Variants in PTPRM observed in about 807,000 individuals in gnomAD.
PTPRM encodes protein tyrosine phosphatase receptor type M.
Under a neutral mutation model 186.7 loss-of-function variants are expected in PTPRM, and 47 were observed. The ratio of observed to expected loss-of-function variants is 0.25; its 90% confidence interval spans 0.20 to 0.32. PTPRM has a LOEUF of 0.32. Ranked by LOEUF, PTPRM falls within the 10% of genes least tolerant of loss-of-function variation. The pLI is 1.00. For missense variants in PTPRM, 1,494 were observed against 1,865.0 expected (o/e 0.80, Z 3.66); for synonymous variants, 668 against 674.9 (o/e 0.99, Z 0.16).
intron 14 of PTPRM, among the ~76,000 whole-genome samples, chr18:8,223,286 A>G (rs925507486): frequency 3.3e-5 from 5 of 152,172 alleles, no homozygotes; most frequent in African/African-American, 1.2e-4. Context: ...ACTGAAATGC[A>G]TAGCCATGTG....
chr18:7,827,025 C>T (rs1434024863), intron 2 of PTPRM, among the ~76,000 whole-genome samples: 1 of 152,110 alleles, frequency 6.6e-6, no homozygotes, highest in Non-Finnish European at 1.5e-5. Context: ...TTGCTTGGGT[C>T]CAGGAGGTCG....
intron 7 of PTPRM, among the ~76,000 whole-genome samples, chr18:8,058,908 T>C (rs1335235190): frequency 2.5e-5 from 2 of 79,332 alleles, no homozygotes; most frequent in Non-Finnish European, 5.3e-5. Flanking sequence ...AGCTTTGTTC[T>C]TTTGGCTTAG....
intron 7 of PTPRM, among the ~76,000 whole-genome samples, chr18:8,004,856 T>C (rs1328849807): frequency 6.6e-6 from 1 of 152,044 alleles, no homozygotes; most frequent in Non-Finnish European, 1.5e-5. Context: ...TACTGAAAAT[T>C]TGATTTCTTT....
intron 11 of PTPRM, among the ~76,000 whole-genome samples, chr18:8,110,763 A>G (rs973997435): frequency 6.6e-6 from 1 of 152,198 alleles, no homozygotes; most frequent in East Asian, 1.9e-4. Context: ...TCATTGAGGA[A>G]TGATTCAGAT....
chr18:7,846,479 C>T (rs2046601798), intron 2 of PTPRM, among the ~76,000 whole-genome samples: 1 of 152,172 alleles, frequency 6.6e-6, no homozygotes, highest in Non-Finnish European at 1.5e-5. Flanking sequence ...GTTGCTGTGG[C>T]AACTGGTGTC....
intron 2 of PTPRM, among the ~76,000 whole-genome samples, chr18:7,887,717 T>G (rs1426685828): frequency 6.6e-6 from 1 of 152,232 alleles, no homozygotes; most frequent in Non-Finnish European, 1.5e-5. Flanking sequence ...ACGTGGCTAT[T>G]GAGCACTTGA....
chr18:8,206,709 A>G (rs966161007), intron 14 of PTPRM, among the ~76,000 whole-genome samples: 3 of 152,240 alleles, frequency 2.0e-5, no homozygotes, highest in African/African-American at 7.2e-5. Flanking sequence ...AACTTCATTA[A>G]TAAGCAACAA....
intron 1 of PTPRM, among the ~76,000 whole-genome samples, chr18:7,710,449 G>T (rs2040188403): frequency 6.6e-6 from 1 of 152,074 alleles, no homozygotes; most frequent in Non-Finnish European, 1.5e-5. Flanking sequence ...ATATTGAATG[G>T]GGGAAAAGTT....
chr18:7,910,243 A>T (rs2050191947), intron 4 of PTPRM, among the ~76,000 whole-genome samples: 1 of 152,206 alleles, frequency 6.6e-6, no homozygotes, highest in Non-Finnish European at 1.5e-5. Flanking sequence ...AATATCTTCA[A>T]CATCCCCCAA....
chr18:8,104,836 A>G (rs2091447109), intron 11 of PTPRM, among the ~76,000 whole-genome samples: 2 of 152,226 alleles, frequency 1.3e-5, no homozygotes, highest in Admixed American at 1.3e-4. Flanking sequence ...AATCAAATTA[A>G]TCAGTGTTTT....
Position 8,345,568 on chromosome 18 carries a change from G to A in PTPRM, c.3054+2048G>A, listed in dbSNP as rs181724719. 7.2e-5 allele frequency among the ~76,000 whole-genome samples: 11 copies of A among 151,902 alleles called. No homozygotes were observed. In the East Asian group the frequency reaches 1.9e-3, roughly 27 times the overall value. On this transcript the variant is annotated intron_variant, in intron 23 of 32. Transcript: ENST00000580170. ...ACTCGAATTCTGGTTAAAAATTGAC[G>A]CATGGAAATGTACCAGTGTATTTAT...
intron 22 of PTPRM, among the ~76,000 whole-genome samples, chr18:8,324,313 G>A (rs1790539302): frequency 1.3e-5 from 2 of 151,984 alleles, no homozygotes; most frequent in Admixed American, 1.3e-4. Context: ...GGTCAGTTTG[G>A]GTTTTACGGT....
At chr18:7,802,373 A>G (rs2044017247) in intron 2 of PTPRM, among the ~76,000 whole-genome samples, 1 of 152,184 alleles carries the variant, frequency 6.6e-6, no homozygotes, top group Admixed American at 6.5e-5. Context: ...AGTTAAGGGC[A>G]GAGGACGGTA....
chr18:7,923,845 A>C (rs12606381), intron 4 of PTPRM, among the ~76,000 whole-genome samples: 6 of 152,008 alleles, frequency 3.9e-5, no homozygotes, highest in African/African-American at 1.2e-4. Context: ...AAATGTTTTC[A>C]CTTTAAAATA....
chr18:7,589,562 C>G (rs750989100), intron 1 of PTPRM, among the ~76,000 whole-genome samples: 103 of 152,148 alleles, frequency 6.8e-4, no homozygotes, highest in Non-Finnish European at 1.2e-3. Context: ...AACTCCCCCC[C>G]ACCACCCTGG....
chr18:7,832,228 T>C (rs1037708603), intron 2 of PTPRM, among the ~76,000 whole-genome samples: 1 of 152,224 alleles, frequency 6.6e-6, no homozygotes, highest in African/African-American at 2.4e-5. Context: ...CTAGTACTAA[T>C]TTACATTTCC....
chr18:7,663,549 C>G (rs768654516), intron 1 of PTPRM, among the ~76,000 whole-genome samples: 2 of 152,174 alleles, frequency 1.3e-5, no homozygotes, highest in African/African-American at 4.8e-5. Context: ...CAGCCATTTC[C>G]GTTGCTTACA....
chr18:8,145,170 T>G (rs1280979064), intron 14 of PTPRM, among the ~76,000 whole-genome samples: 1 of 152,138 alleles, frequency 6.6e-6, no homozygotes, highest in Non-Finnish European at 1.5e-5. Flanking sequence ...TAGTAGCCAT[T>G]TGGAGAGAGA....
intron 19 of PTPRM, among the ~76,000 whole-genome samples, chr18:8,259,734 G>C (rs112828155): frequency 6.6e-6 from 1 of 151,268 alleles, no homozygotes. Context: ...TGCAACCTTC[G>C]CCTCCTGGGT....
Sources: gnomAD v4.1 joint callset for allele counts (sites outside exome capture counted in the v4.1 genomes callset) on GRCh38, gnomAD v4.1.1 for gene constraint, MANE v1.5 for transcripts, NCBI Gene and HGNC (gene_info 2026-07-23, HGNC 2026-07-21) for gene names.